ARHGAP10: variants seen among roughly 807,000 people sequenced by gnomAD.
ARHGAP10 encodes rho GTPase-activating protein 10.
A neutral mutation model predicts 108.6 loss-of-function variants in ARHGAP10; 87 were observed. The observed-to-expected ratio is 0.80, with a 90% CI of 0.67 to 0.96. The LOEUF (loss-of-function observed/expected upper bound fraction) is 0.96, where lower values mean the gene tolerates loss of function less well. ARHGAP10 is among the 40% of genes least tolerant of loss of function. The probability of loss-of-function intolerance (pLI) is 0.00; values close to 1 mark genes in which losing one functional copy is unlikely to be tolerated. For synonymous variants in ARHGAP10, 347 were observed against 341.1 expected (o/e 1.02, Z -0.19); for missense variants, 939 against 954.5 (o/e 0.98, Z 0.21).
rs201725215 is a variant in ARHGAP10, at chr4:148,049,009, TA to T, written c.2027+1959del. Among the ~76,000 whole-genome samples, 1,394 of 151,898 alleles carry T rather than the reference TA, an allele frequency of 9.2e-3. 28 individuals carry two copies. Among genetic ancestry groups the T allele is most frequent in the African/African-American group, 0.032 (1,331 of 41,324 alleles). On this transcript the variant is annotated intron_variant, in intron 20 of 22. Coordinates refer to ENST00000336498, the MANE Select transcript of ARHGAP10 (RefSeq NM_024605.4). ...TTTCTTCTATTTCAGAAACTTGATT[TA>T]TTTTTTTCTGTGCCATGGATGGAAT...
chr4:148,061,119 G>A (rs923822271), intron 20 of ARHGAP10, among the ~76,000 whole-genome samples: 7 of 151,540 alleles, frequency 4.6e-5, no homozygotes, highest in Non-Finnish European at 7.4e-5. Context: ...AAAGAAAGAT[G>A]TGAGGATCAA....
intron 1 of ARHGAP10, among the ~76,000 whole-genome samples, chr4:147,738,721 A>G (rs1162109806): frequency 6.6e-6 from 1 of 152,198 alleles, no homozygotes; most frequent in East Asian, 1.9e-4. Context: ...GCCTCAAAAT[A>G]GCTGTTCTGC....
chr4:148,022,016 A>G (rs115312866), intron 18 of ARHGAP10, among the ~76,000 whole-genome samples: 187 of 152,312 alleles, frequency 1.2e-3, no homozygotes, highest in Non-Finnish European at 1.8e-3. Flanking sequence ...TGACTGTGCA[A>G]TTAAAACTCC....
intron 11 of ARHGAP10, among the ~76,000 whole-genome samples, chr4:147,908,479 A>G (rs1736593078): frequency 6.6e-6 from 1 of 152,184 alleles, no homozygotes; most frequent in Admixed American, 6.5e-5. Flanking sequence ...ATTAGTTCAG[A>G]GATACACAGA....
At chr4:147,821,535 C>T (rs904026536) in intron 1 of ARHGAP10, among the ~76,000 whole-genome samples, 1 of 151,958 alleles carries the variant, frequency 6.6e-6, no homozygotes, top group Non-Finnish European at 1.5e-5. Flanking sequence ...GCAAACAGCA[C>T]GATAAACATG....
intron 5 of ARHGAP10, among the ~76,000 whole-genome samples, chr4:147,859,221 C>T (rs561535171): frequency 1.3e-5 from 2 of 152,016 alleles, no homozygotes; most frequent in Non-Finnish European, 2.9e-5. Flanking sequence ...TTTTTCCTGA[C>T]CTTCTTATTT....
chr4:148,018,056 C>T (rs1353862510), intron 18 of ARHGAP10, among the ~76,000 whole-genome samples: 1 of 152,152 alleles, frequency 6.6e-6, no homozygotes, highest in Non-Finnish European at 1.5e-5. Flanking sequence ...TAAGCAAGCA[C>T]TTCCTTACCT....
rs56740685 is a variant in ARHGAP10 at position 147,867,863 on chromosome 4, CAAAAA to C, written c.702+1066_702+1070del. Among the ~76,000 whole-genome samples, 7 of 56,888 alleles carry C rather than the reference CAAAAA, an allele frequency of 1.2e-4. No individual in the cohort carries two copies. In the East Asian group the frequency reaches 2.7e-3, roughly 22 times the overall value. The allele number at this position is 56,888 out of a possible 152,430, so 37.3% of individuals were successfully genotyped here. On this transcript the variant is annotated intron_variant, in intron 7 of 22. Transcript: ENST00000336498. The stretch of plus-strand genomic sequence containing the variant: ...TGGGCGACAGAGTGAGACTCTGTCT[CAAAAA>C]AAAAAAAAAAAAAAAAAAGTTGAGA...
intron 18 of ARHGAP10, among the ~76,000 whole-genome samples, chr4:147,976,550 T>TC (rs1316245909): frequency 6.6e-6 from 1 of 151,942 alleles, no homozygotes; most frequent in Non-Finnish European, 1.5e-5. Flanking sequence ...GGTTTTTTTT[T>TC]TTTTTTCTTC....
At chr4:147,957,511 C>A (rs1286188693) in intron 16 of ARHGAP10, among the ~76,000 whole-genome samples, 1 of 152,180 alleles carries the variant, frequency 6.6e-6, no homozygotes, top group Non-Finnish European at 1.5e-5. Context: ...TGAACAGTGA[C>A]ACAGCTTACC....
At chr4:147,973,292 A>C (rs933428523) in intron 18 of ARHGAP10, among the ~76,000 whole-genome samples, 2 of 152,188 alleles carry the variant, frequency 1.3e-5, no homozygotes, top group African/African-American at 4.8e-5. Context: ...GTGACCTGTT[A>C]GCTTATGTCT....
chr4:148,071,638 C>CAA (rs11393465), intron 22 of ARHGAP10, among the ~76,000 whole-genome samples: 118 of 150,728 alleles, frequency 7.8e-4, no homozygotes, highest in East Asian at 4.1e-3. Flanking sequence ...AACAAACAAA[C>CAA]AAAAAAAAAC....
Position 147,732,221 on chromosome 4 carries a change from C to G in ARHGAP10, c.-81C>G. On this transcript the variant is annotated 5_prime_UTR_variant, in exon 1 of 23. Transcript: ENST00000336498. ...TCCTCTGTGCTCCCTGAACGCGCGG[C>G]GCCGCACCTGGCAGCGGCCTCGGAG... is the stretch of plus-strand genomic sequence containing the variant. The G allele has an allele frequency of 7.2e-7, 1 of 1,381,646 alleles. No individual in the cohort carries two copies. The highest frequency in any genetic ancestry group is 9.4e-7 in the Non-Finnish European group (1 of 1,063,880). 85.6% of individuals were successfully genotyped at this position (1,381,646 alleles called of 1,614,324 possible).
In ARHGAP10 at chr4:148,072,155, C is replaced by G; in HGVS notation, c.*74C>G. On this transcript the variant is annotated 3_prime_UTR_variant, in exon 23 of 23. Transcript: ENST00000336498. ...GGGGGCAGAGAGCTGTCTTCCTCCT[C>G]CGAGGCTCTGGGCTGCACCCACAGG... The G allele has an allele frequency of 7.1e-7, 1 of 1,405,998 alleles. No individual in the cohort carries two copies. Among genetic ancestry groups the G allele is most frequent in the Non-Finnish European group, 9.8e-7 (1 of 1,020,040 alleles). The allele number at this position is 1,405,998 out of a possible 1,614,324, so 87.1% of individuals were successfully genotyped here.
intron 13 of ARHGAP10, among the ~76,000 whole-genome samples, chr4:147,923,567 G>T (rs556790891): frequency 5.9e-5 from 9 of 152,050 alleles, no homozygotes; most frequent in African/African-American, 1.9e-4. Context: ...TTAAAATGTC[G>T]ATCTAGGCAA....
At chr4:147,739,169 A>G (rs970491584) in intron 1 of ARHGAP10, among the ~76,000 whole-genome samples, 2 of 149,792 alleles carry the variant, frequency 1.3e-5, no homozygotes, top group African/African-American at 2.5e-5. Flanking sequence ...CCTGGGCAAC[A>G]GAGCGAGACT....
chr4:147,904,837 C>T (rs1468556011), intron 10 of ARHGAP10, among the ~76,000 whole-genome samples: 2 of 152,198 alleles, frequency 1.3e-5, no homozygotes, highest in Admixed American at 1.3e-4. Context: ...AACTAGTTTA[C>T]AGTCCCACCA....
At chr4:147,843,809 C>T (rs1403541299) in intron 3 of ARHGAP10, among the ~76,000 whole-genome samples, 4 of 152,246 alleles carry the variant, frequency 2.6e-5, no homozygotes, top group South Asian at 2.1e-4. Flanking sequence ...CCACTGCACC[C>T]GGCCTGAACC....
At chr4:147,820,700 C>T (rs968008003) in intron 1 of ARHGAP10, among the ~76,000 whole-genome samples, 6 of 147,148 alleles carry the variant, frequency 4.1e-5, no homozygotes, top group Non-Finnish European at 7.4e-5. Flanking sequence ...AAGTGATTCT[C>T]GTGCCTCAGC....
Sources: allele counts gnomAD v4.1 joint callset (sites outside exome capture counted in the v4.1 genomes callset), GRCh38; gene constraint gnomAD v4.1.1; transcripts MANE v1.5; gene names NCBI Gene and HGNC (gene_info 2026-07-23, HGNC 2026-07-21).